ELK3: variants seen among roughly 807,000 people sequenced by gnomAD.
The protein encoded by ELK3 is ETS transcription factor ELK3.
In ELK3, 10 loss-of-function variants were observed where a neutral mutation model predicts 28.9. The observed-to-expected ratio is 0.35, with a 90% CI of 0.21 to 0.59. ELK3 has a LOEUF of 0.59. Ranked by LOEUF, ELK3 falls within the 20% of genes least tolerant of loss-of-function variation. The pLI is 0.82. For synonymous variants in ELK3, 272 were observed against 243.5 expected (o/e 1.12, Z -1.09); for missense variants, 463 against 517.3 (o/e 0.90, Z 1.02).
intron 1 of ELK3, among the ~76,000 whole-genome samples, chr12:96,210,597 A>ACACACACACCCCCC (rs1416746905): frequency 5.4e-5 from 8 of 149,062 alleles, no homozygotes; most frequent in Admixed American, 2.7e-4. Context: ...ACACACACAC[A>ACACACACACCCCCC]CCCCGAGTGG....
intron 1 of ELK3, among the ~76,000 whole-genome samples, chr12:96,222,354 G>A (rs1951668066): frequency 2.0e-5 from 3 of 152,218 alleles, no homozygotes; most frequent in South Asian, 4.1e-4. Flanking sequence ...AGAAGAAATA[G>A]CATTTAAAAA....
intron 1 of ELK3, among the ~76,000 whole-genome samples, chr12:96,198,639 G>A (rs1187172504): frequency 6.6e-6 from 1 of 151,762 alleles, no homozygotes; most frequent in Non-Finnish European, 1.5e-5. Context: ...AAGGTTGGTT[G>A]TTTTTTTTCC....
intron 1 of ELK3, chr12:96,222,825 A>C (rs1474502441): frequency 1.3e-5 from 2 of 152,808 alleles, no homozygotes; most frequent in African/African-American, 2.4e-5. Flanking sequence ...ATGGGCTCAC[A>C]GTTCTGCAGG....
At chr12:96,231,298 T>G (rs899259948) in intron 2 of ELK3, among the ~76,000 whole-genome samples, 2 of 152,214 alleles carry the variant, frequency 1.3e-5, no homozygotes, top group African/African-American at 4.8e-5. Context: ...TTTCAGAGAT[T>G]TTATTTATTA....
Position 96,211,270 on chromosome 12 carries a change from A to G in ELK3, c.-2-12295A>G, listed in dbSNP as rs999183195. On this transcript the variant is annotated intron_variant, in intron 1 of 4. Coordinates refer to ENST00000228741, the MANE Select transcript of ELK3 (RefSeq NM_005230.4). ...CTTCAGAATTCCATGGGATCTCAGC[A>G]TTGCTGGTGGTGGAGGATATATTAA... Among the ~76,000 whole-genome samples, 202 of 152,308 alleles carry G rather than the reference A, an allele frequency of 1.3e-3. 3 individuals carry two copies. Among genetic ancestry groups the G allele is most frequent in the Admixed American group, 0.012 (189 of 15,292 alleles).
In ELK3 at chr12:96,247,105, G is replaced by C. The variant is rs758236190; in HGVS notation, c.373G>C (p.Gly125Arg). Reference protein sequence around the residue: ...SPEGREAHKHGLAALRSTSRN... With the variant: ...SPEGREAHKHRLAALRSTSRN... ...GGAGGGCCGCGAGGCCCACAAACAC[G>C]GCCTGGCCGCCCTCAGAAGCACGAG... The change falls in exon 3 of 5, where the codon GGC (glycine) becomes CGC (arginine). Residue 125 changes from glycine to arginine, a missense_variant. Transcript: ENST00000228741. The surrounding 1 kb of genome is among the most constrained non-coding windows in gnomAD (Gnocchi z 5.5). 1.2e-5 allele frequency: 20 copies of C among 1,613,322 alleles called. No homozygotes were observed. The Admixed American group carries it at 3.2e-4, about 26-fold the overall frequency.
intron 1 of ELK3, among the ~76,000 whole-genome samples, chr12:96,203,626 A>G (rs1951520546): frequency 1.3e-5 from 2 of 152,180 alleles, no homozygotes; most frequent in African/African-American, 2.4e-5. Flanking sequence ...ACTTGGATGA[A>G]TAGGCAGATC....
chr12:96,226,465 T>A (rs1204156347), intron 2 of ELK3, among the ~76,000 whole-genome samples: 1 of 151,438 alleles, frequency 6.6e-6, no homozygotes, highest in Non-Finnish European at 1.5e-5. Flanking sequence ...AGTATACACA[T>A]ACACACCTGT....
At chr12:96,194,734 C>T (rs1951448775) in intron 1 of ELK3, 29 bp downstream of exon 1, 1 of 147,130 alleles carries the variant, frequency 6.8e-6, no homozygotes, top group Non-Finnish European at 1.5e-5. Context: ...GCCTGTTGCT[C>T]GGACACTTAA....
At chr12:96,265,385 C>CT (rs1184109123) in intron 4 of ELK3, among the ~76,000 whole-genome samples, 1 of 152,042 alleles carries the variant, frequency 6.6e-6, no homozygotes, top group Non-Finnish European at 1.5e-5. Context: ...TGCAAATAAA[C>CT]AAAAAGAATG....
At chr12:96,197,489 A>G (rs144171316) in intron 1 of ELK3, among the ~76,000 whole-genome samples, 23 of 152,358 alleles carry the variant, frequency 1.5e-4, no homozygotes, top group Non-Finnish European at 2.5e-4. Context: ...AAAAGTCATC[A>G]TCTGTAATTT....
chr12:96,226,061 G>A lies in ELK3; in HGVS notation c.207+2288G>A, dbSNP rs1592678249. Among the ~76,000 whole-genome samples, 3 of 152,122 alleles carry A rather than the reference G, an allele frequency of 2.0e-5. No individual in the cohort carries two copies. In the East Asian group the frequency reaches 5.8e-4, roughly 29 times the overall value. ...GTGGGAGGATCATTTGAGCCTGGGAGTTTGAGACTGCAGTGAGCTCTGATT... is the reference window on the plus strand; with the variant it reads ...GTGGGAGGATCATTTGAGCCTGGGAATTTGAGACTGCAGTGAGCTCTGATT... On this transcript the variant is annotated intron_variant, in intron 2 of 4. Transcript: ENST00000228741.
At chr12:96,205,706 C>T (rs1306905815) in intron 1 of ELK3, among the ~76,000 whole-genome samples, 2 of 152,124 alleles carry the variant, frequency 1.3e-5, no homozygotes, top group African/African-American at 4.8e-5. Flanking sequence ...AAGTGACACC[C>T]GAGTGAGGGT....
At position 96,247,218 on chromosome 12, in the gene ELK3, G is replaced by C. The variant is rs1178860706; in HGVS notation, c.486G>C (p.Lys162Asn). Residue 162 changes from lysine (K) to asparagine (N), a missense_variant, in exon 3 of 5, where the codon AAG becomes AAC. Physicochemically the swap from Lys to Asn is moderately conservative, Grantham distance 94 (BLOSUM62 0). Transcript: ENST00000228741. The surrounding 1 kb of genome is among the most constrained non-coding windows in gnomAD (Gnocchi z 5.5). ...QNPPDAFKAI[K>N]TEKLEEPPED... ...CACCAGACGCCTTCAAGGCCATCAA[G>C]ACGGAGAAGCTGGAGGAGCCGCCCG... is the stretch of plus-strand genomic sequence containing the variant. 1 of 1,614,204 alleles carries C rather than the reference G, an allele frequency of 6.2e-7. No individual in the cohort carries two copies. Among genetic ancestry groups the C allele is most frequent in the South Asian group, 1.1e-5 (1 of 91,088 alleles).
chr12:96,252,834 T>C (rs1951918496), intron 3 of ELK3, among the ~76,000 whole-genome samples: 1 of 152,254 alleles, frequency 6.6e-6, no homozygotes. Flanking sequence ...TACATAACTT[T>C]ACATTACATT....
chr12:96,224,607 A>G (rs1463998870), intron 2 of ELK3, among the ~76,000 whole-genome samples: 1 of 152,238 alleles, frequency 6.6e-6, no homozygotes, highest in Non-Finnish European at 1.5e-5. Context: ...TGCCAAAACC[A>G]GGACAGTTGG....
Position 96,248,650 on chromosome 12 carries a change from C to T in ELK3, c.1002+916C>T, listed in dbSNP as rs142932313. On this transcript the variant is annotated intron_variant, in intron 3 of 4. Transcript: ENST00000228741. ...ATGGACAGGCTTTGTGAGCTGGGGA[C>T]ACCTGGTAGCATTGTTAACCGTGGA... Among the ~76,000 whole-genome samples the T allele has an allele frequency of 2.0e-3, 307 of 152,246 alleles. 2 individuals are homozygous for T. The highest frequency in any genetic ancestry group is 2.3e-3 in the Non-Finnish European group (155 of 68,026).
chr12:96,222,970 G>A (rs1951673101), intron 1 of ELK3: 1 of 155,434 alleles, frequency 6.4e-6, no homozygotes, highest in Admixed American at 6.2e-5. Context: ...GAGGGTCAAG[G>A]TGCCACACAC....
chr12:96,252,163 G>C (rs1042495088), intron 3 of ELK3, among the ~76,000 whole-genome samples: 2 of 152,186 alleles, frequency 1.3e-5, no homozygotes, highest in Non-Finnish European at 2.9e-5. Flanking sequence ...CAGCACATCT[G>C]TTTTCACAGT....
Sources: gnomAD v4.1 joint callset for allele counts (sites outside exome capture counted in the v4.1 genomes callset) on GRCh38, gnomAD v4.1.1 for gene constraint, Gnocchi (gnomAD v3.1) non-coding constraint, MANE v1.5 for transcripts, NCBI Gene and HGNC (gene_info 2026-07-23, HGNC 2026-07-21) for gene names.